The following ZPBP variants were observed in gnomAD, a reference collection of about 807,000 sequenced individuals.
The protein encoded by ZPBP is zona pellucida binding protein.
ZPBP carries 26 observed loss-of-function variants against 44.8 expected under a neutral mutation model. The observed-to-expected ratio is 0.58, with a 90% CI of 0.43 to 0.81. ZPBP has a LOEUF of 0.81. ZPBP is among the 30% of genes least tolerant of loss of function. The pLI is 0.00. For synonymous variants in ZPBP, 174 were observed against 153.2 expected (o/e 1.14, Z -1.00); for missense variants, 409 against 434.0 (o/e 0.94, Z 0.51).
Position 49,923,713 on chromosome 7 carries a change from C to T in ZPBP, n.411+12038G>A, listed in dbSNP as rs1264782057. Among the ~76,000 whole-genome samples the T allele has an allele frequency of 3.9e-5, 6 of 152,118 alleles. No homozygotes were observed. In the East Asian group the frequency reaches 1.2e-3, roughly 29 times the overall value. The stretch of plus-strand genomic sequence containing the variant: ...CTTCCTTCACCTTTCATTGTAAATC[C>T]TTTTCCCTCTGCCTGAAGAATACTC... On this transcript the variant is annotated intron_variant and non_coding_transcript_variant, in intron 1 of 2. Transcript: ENST00000465922.
chr7:49,888,631 C>T (rs1458851113), intron 2 of ZPBP, among the ~76,000 whole-genome samples: 1 of 152,162 alleles, frequency 6.6e-6, no homozygotes, highest in African/African-American at 2.4e-5. Flanking sequence ...GCACCTTTTG[C>T]CAGGCGCGGT....
chr7:49,943,550 T>G, intron 7 of ZPBP: 1 of 392,326 alleles, frequency 2.5e-6, no homozygotes, highest in Non-Finnish European at 5.0e-6. Flanking sequence ...AGAAGCTGAA[T>G]AAATGCTCCT....
At chr7:49,972,822 C>T (rs572549169) in intron 7 of ZPBP, among the ~76,000 whole-genome samples, 31 of 151,762 alleles carry the variant, frequency 2.0e-4, no homozygotes, top group Middle Eastern at 3.4e-3. Flanking sequence ...GATGTCTAAA[C>T]GTATTACAAA....
At chr7:50,007,550 C>T (rs1395473202) in intron 6 of ZPBP, among the ~76,000 whole-genome samples, 1 of 151,952 alleles carries the variant, frequency 6.6e-6, no homozygotes, top group East Asian at 1.9e-4. Flanking sequence ...GCCAATACTG[C>T]CCTAATCCAA....
chr7:50,063,958 T>C (rs953336964), intron 3 of ZPBP, among the ~76,000 whole-genome samples: 3 of 152,210 alleles, frequency 2.0e-5, no homozygotes, highest in East Asian at 1.9e-4. Flanking sequence ...TGCACCCACA[T>C]AGCTGGCCTA....
chr7:50,078,916 T>C (rs1016618863), intron 3 of ZPBP, among the ~76,000 whole-genome samples: 22 of 57,934 alleles, frequency 3.8e-4, no homozygotes, highest in African/African-American at 1.2e-3. Context: ...TAGACACTTC[T>C]CAAAAGAAGT....
chr7:50,036,895 C>T (rs1799853049), intron 4 of ZPBP, among the ~76,000 whole-genome samples: 1 of 151,068 alleles, frequency 6.6e-6, no homozygotes, highest in Non-Finnish European at 1.5e-5. Context: ...CTGAGAAATA[C>T]AAAAAATAAT....
At position 49,943,860 on chromosome 7, in the gene ZPBP, G is replaced by A. The variant is rs1298898298; in HGVS notation, c.962-6238C>T. ...TCCCTTTTTACATGTCTCTTCTTGTGCTTCATTTATCCCACCAGTGTCTTC... is the reference window on the plus strand; with the variant it reads ...TCCCTTTTTACATGTCTCTTCTTGTACTTCATTTATCCCACCAGTGTCTTC... On this transcript the variant is annotated intron_variant, in intron 7 of 7. Coordinates refer to ENST00000046087, the MANE Select transcript of ZPBP (RefSeq NM_007009.3). 3.2e-5 allele frequency: 8 copies of A among 247,790 alleles called. No individual in the cohort carries two copies. In the Admixed American group the frequency reaches 3.7e-4, roughly 12 times the overall value. 15.3% of individuals were successfully genotyped at this position (247,790 alleles called of 1,614,324 possible).
Position 49,896,881 on chromosome 7 carries a change from A to AT in ZPBP, n.509+4236dup, listed in dbSNP as rs36066373. Among the ~76,000 whole-genome samples the AT allele has an allele frequency of 8.3e-3, 793 of 95,020 alleles. 9 individuals carry two copies. Among genetic ancestry groups the AT allele is most frequent in the Middle Eastern group, 0.012 (2 of 162 alleles). 62.3% of individuals were successfully genotyped at this position (95,020 alleles called of 152,430 possible). ...AACTATTAAGAAAATTGGATTGATA[A>AT]TTTTTTTTTTTTTTTTTTTTTTTTT... On this transcript the variant is annotated intron_variant and non_coding_transcript_variant, in intron 2 of 2. Coordinates refer to the ZPBP transcript ENST00000465922.
chr7:50,058,557 T>C (rs1048094691), intron 3 of ZPBP, among the ~76,000 whole-genome samples: 2 of 152,088 alleles, frequency 1.3e-5, no homozygotes, highest in East Asian at 1.9e-4. Context: ...ACAAACTGCA[T>C]ATGAAACAGA....
intron 7 of ZPBP, among the ~76,000 whole-genome samples, chr7:49,981,624 ATATTATAT>A (rs1191223128): frequency 5.3e-3 from 310 of 58,232 alleles, no homozygotes; most frequent in African/African-American, 0.013. Context: ...ATATTATATT[ATATTATAT>A]TATATATTAT....
intron 1 of ZPBP, among the ~76,000 whole-genome samples, chr7:49,901,557 A>G (rs946770607): frequency 6.6e-6 from 1 of 151,920 alleles, no homozygotes; most frequent in Non-Finnish European, 1.5e-5. Context: ...AAAATCATAG[A>G]ATATATAAAT....
intron 4 of ZPBP, among the ~76,000 whole-genome samples, chr7:50,040,724 G>A (rs1484197336): frequency 6.6e-6 from 1 of 152,142 alleles, no homozygotes; most frequent in African/African-American, 2.4e-5. Flanking sequence ...CCCAAAACTT[G>A]GCGGCCATTT....
In ZPBP at chr7:49,983,512, T is replaced by G; in HGVS notation, c.791A>C (p.Asn264Thr). ...EPYKRLFKAK[N>T]LIERFFNQQV... ...TTGATTAAAAAATCTCTCTATGAGA[T>G]TTTTAGCCTAAAACATAAATACAAT... is the stretch of plus-strand genomic sequence containing the variant. Residue 264 changes from asparagine to threonine, a missense_variant, in exon 7 of 8, where the codon AAT becomes ACT. By Grantham distance (65) the Asn-to-Thr change is moderately conservative. Transcript: ENST00000046087. 6.3e-7 allele frequency: 1 copy of G among 1,594,306 alleles called. No homozygotes were observed. The highest frequency in any genetic ancestry group is 8.6e-7 in the Non-Finnish European group (1 of 1,166,500).
chr7:49,888,649 C>T (rs1006439444), intron 2 of ZPBP, among the ~76,000 whole-genome samples: 1 of 152,006 alleles, frequency 6.6e-6, no homozygotes, highest in Non-Finnish European at 1.5e-5. Flanking sequence ...GGTGGCTCAC[C>T]GCTGTAATCC....
intron 1 of ZPBP, chr7:50,092,787 T>C (rs1803058932): frequency 6.0e-6 from 2 of 331,988 alleles, no homozygotes; most frequent in Non-Finnish European, 1.1e-5. Flanking sequence ...ACCCATGGAC[T>C]GAATTGGGGA....
chr7:50,022,940 C>A, intron 5 of ZPBP, among the ~76,000 whole-genome samples: 1 of 152,038 alleles, frequency 6.6e-6, no homozygotes, highest in East Asian at 1.9e-4. Flanking sequence ...GGCTTCCAAA[C>A]TTCCCTGAGC....
intron 7 of ZPBP, among the ~76,000 whole-genome samples, chr7:49,956,642 T>TA (rs936790941): frequency 1.3e-4 from 19 of 150,560 alleles, no homozygotes; most frequent in Admixed American, 5.3e-4. Flanking sequence ...ATAAAAGACC[T>TA]AAAAAAAAAT....
At chr7:49,871,594 T>C (rs190487074) in intron 2 of ZPBP, among the ~76,000 whole-genome samples, 18 of 151,668 alleles carry the variant, frequency 1.2e-4, no homozygotes, top group Middle Eastern at 3.4e-3. Context: ...ACAAGAAGCA[T>C]TGAGAAAAAC....
Sources: allele counts gnomAD v4.1 joint callset (sites outside exome capture counted in the v4.1 genomes callset), GRCh38; gene constraint gnomAD v4.1.1; transcripts MANE v1.5; gene names NCBI Gene and HGNC (gene_info 2026-07-23, HGNC 2026-07-21).